NSD2: variants seen among roughly 807,000 people sequenced by gnomAD.
The protein encoded by NSD2 is histone-lysine N-methyltransferase NSD2.
Under a neutral mutation model 139.0 loss-of-function variants are expected in NSD2, and 12 were observed. That is an observed-to-expected ratio of 0.09 (90% CI 0.06 to 0.14). NSD2 has a LOEUF of 0.14. Among genes scored for constraint, NSD2 ranks in the 10% least tolerant of loss-of-function variants. The pLI, the probability that NSD2 is intolerant of heterozygous loss-of-function variation, is 1.00. For missense variants in NSD2, 1,155 were observed against 1,745.0 expected (o/e 0.66, Z 6.02); for synonymous variants, 669 against 648.7 (o/e 1.03, Z -0.48).
intron 3 of NSD2, among the ~76,000 whole-genome samples, chr4:1,907,961 A>C (rs770589841): frequency 3.9e-5 from 6 of 152,076 alleles, no homozygotes; most frequent in Non-Finnish European, 7.4e-5. Flanking sequence ...TTACCCCCAA[A>C]TACGTCAGAA....
chr4:1,956,649 C>T lies in NSD2; in HGVS notation c.2881+461C>T, dbSNP rs953767788. Among the ~76,000 whole-genome samples, 5 of 152,260 alleles carry T rather than the reference C, an allele frequency of 3.3e-5. No individual in the cohort carries two copies. In the East Asian group the frequency reaches 9.6e-4, roughly 29 times the overall value. ...GTGGGAGGCAGGAGCAACGATGTGG[C>T]ATGGCTGGCTGATGACCCACGTTTG... On this transcript the variant is annotated intron_variant, in intron 15 of 21. Coordinates refer to ENST00000508803, the MANE Select transcript of NSD2 (RefSeq NM_001042424.3). The surrounding 1 kb of genome is among the most constrained non-coding windows in gnomAD (Gnocchi z 5.3).
chr4:1,952,469 C>T (rs575130605), intron 11 of NSD2, among the ~76,000 whole-genome samples: 22 of 152,150 alleles, frequency 1.4e-4, no homozygotes, highest in South Asian at 4.1e-4. Flanking sequence ...CATCAGGTGG[C>T]GGGCAGGGTG....
chr4:1,889,115 C>T (rs1715340626), intron 1 of NSD2, among the ~76,000 whole-genome samples: 1 of 151,986 alleles, frequency 6.6e-6, no homozygotes, highest in South Asian at 2.1e-4. Flanking sequence ...CCAGGCTGGT[C>T]TGGAACTCCT....
At chr4:1,903,044 G>T (rs1330044163) in intron 2 of NSD2, among the ~76,000 whole-genome samples, 1 of 152,146 alleles carries the variant, frequency 6.6e-6, no homozygotes, top group African/African-American at 2.4e-5. Flanking sequence ...TGGTGGCACT[G>T]CCTGTGGTCC....
chr4:1,926,719 C>T (rs1720960419), intron 5 of NSD2, among the ~76,000 whole-genome samples: 2 of 152,172 alleles, frequency 1.3e-5, no homozygotes, highest in South Asian at 4.1e-4. Context: ...GATCTGCCCA[C>T]CTCGGCCTCC....
At chr4:1,964,445 C>G (rs1387819050) in intron 18 of NSD2, among the ~76,000 whole-genome samples, 1 of 152,190 alleles carries the variant, frequency 6.6e-6, no homozygotes, top group Non-Finnish European at 1.5e-5. Context: ...GGTTTCAGCT[C>G]TTGGCACAGC....
chr4:1,929,733 G>T (rs1244552895), intron 5 of NSD2, among the ~76,000 whole-genome samples: 1 of 152,178 alleles, frequency 6.6e-6, no homozygotes, highest in Non-Finnish European at 1.5e-5. Flanking sequence ...GGTTACACCT[G>T]GCTGGCTGGC....
At chr4:1,941,187 T>G in intron 9 of NSD2, 1 of 1,054,532 alleles carries the variant, frequency 9.5e-7, no homozygotes, top group Non-Finnish European at 1.1e-6. Context: ...GAAAATTAAA[T>G]GAAAGGTCAT....
chr4:1,905,985 C>T (rs1267136036), intron 3 of NSD2, among the ~76,000 whole-genome samples: 1 of 152,196 alleles, frequency 6.6e-6, no homozygotes, highest in Non-Finnish European at 1.5e-5. Context: ...TGCAGGCACA[C>T]ATGGGTGTGT....
chr4:1,885,104 C>CT (rs1394056951), intron 1 of NSD2, among the ~76,000 whole-genome samples: 1 of 149,550 alleles, frequency 6.7e-6, no homozygotes, highest in Non-Finnish European at 1.5e-5. Flanking sequence ...GAGCAAAACT[C>CT]TGTTTCAAAA....
At chr4:1,971,176 T>A (rs987166122) in intron 18 of NSD2, among the ~76,000 whole-genome samples, 3 of 151,954 alleles carry the variant, frequency 2.0e-5, no homozygotes, top group Non-Finnish European at 4.4e-5. Context: ...CTGGGCAACA[T>A]AGGGAGACCC....
At chr4:1,927,634 G>A (rs1426716068) in intron 5 of NSD2, among the ~76,000 whole-genome samples, 6 of 147,192 alleles carry the variant, frequency 4.1e-5, no homozygotes, top group South Asian at 2.2e-4. Flanking sequence ...TGGGAGAATC[G>A]CTTGAACCCA....
At chr4:1,943,675 C>G (rs2108911250) in intron 9 of NSD2, 1 of 1,048,700 alleles carries the variant, frequency 9.5e-7, no homozygotes, top group East Asian at 5.5e-5. Context: ...GCAATCTAAG[C>G]TGTGTTACTC....
chr4:1,921,413 C>T (rs1720101681), intron 5 of NSD2, among the ~76,000 whole-genome samples: 2 of 151,962 alleles, frequency 1.3e-5, no homozygotes, highest in South Asian at 2.1e-4. Context: ...GAGCCAAGAT[C>T]GTGCCACTGC....
At chr4:1,927,297 G>A (rs1313251668) in intron 5 of NSD2, among the ~76,000 whole-genome samples, 1 of 152,152 alleles carries the variant, frequency 6.6e-6, no homozygotes, top group African/African-American at 2.4e-5. Flanking sequence ...TATTGACTAC[G>A]CCGTAAGCAG....
At chr4:1,912,944 C>G (rs1315127242) in intron 3 of NSD2, among the ~76,000 whole-genome samples, 4 of 152,112 alleles carry the variant, frequency 2.6e-5, no homozygotes, top group African/African-American at 9.7e-5. Flanking sequence ...AGACTGAAGG[C>G]ACAGGCTGTT....
intron 19 of NSD2, 22 bp from the exon 20 acceptor site, chr4:1,975,272 T>G: frequency 6.2e-7 from 1 of 1,611,198 alleles, no homozygotes; most frequent in East Asian, 2.2e-5. Flanking sequence ...TCCAATTTGG[T>G]GTCTGTCTCC....
intron 9 of NSD2, 144 bp downstream of exon 9, chr4:1,939,922 A>G: frequency 6.6e-7 from 1 of 1,514,358 alleles, no homozygotes; most frequent in Non-Finnish European, 8.8e-7. Context: ...CCTCTTGGCT[A>G]ACTCAGATTC....
At chr4:1,917,100 C>G (rs893869585) in intron 4 of NSD2, 63 bp downstream of exon 4, 1 of 1,439,156 alleles carries the variant, frequency 6.9e-7, no homozygotes, top group Non-Finnish European at 9.3e-7. Context: ...TTTAAGTTAA[C>G]TTATTTTTGT....
Sources: allele counts gnomAD v4.1 joint callset (sites outside exome capture counted in the v4.1 genomes callset), GRCh38; gene constraint gnomAD v4.1.1; non-coding constraint Gnocchi (gnomAD v3.1); transcripts MANE v1.5; gene names NCBI Gene and HGNC (gene_info 2026-07-23, HGNC 2026-07-21).